The following SRBD1 variants were observed in gnomAD, a reference collection of about 807,000 sequenced individuals.
SRBD1 encodes the protein S1 RNA-binding domain-containing protein 1.
SRBD1 carries 88 observed loss-of-function variants against 115.3 expected under a neutral mutation model. The observed-to-expected ratio is 0.76, with a 90% confidence interval of 0.64 to 0.91. The LOEUF is 0.91. SRBD1 is among the 40% of genes least tolerant of loss of function. The probability of loss-of-function intolerance (pLI) is 0.00; values close to 1 mark genes in which losing one functional copy is unlikely to be tolerated. For missense variants in SRBD1, 1,385 were observed against 1,177.4 expected, an observed-to-expected ratio of 1.18 and a Z score of -2.58; for synonymous variants, 509 against 407.7, an observed-to-expected ratio of 1.25 and a Z score of -2.99.
At position 45,389,382 on chromosome 2, in the gene SRBD1, T is replaced by A; in HGVS notation, c.2916A>T (p.Arg972Ser). 1.2e-6 allele frequency: 2 copies of A among 1,614,116 alleles called. No homozygotes were observed. Among genetic ancestry groups the A allele is most frequent in the Non-Finnish European group, 1.7e-6 (2 of 1,179,964 alleles). Reference protein sequence around the residue: ...RRSLGLGPGERVEVQVLNIDI... With the variant: ...RRSLGLGPGESVEVQVLNIDI... The stretch of plus-strand genomic sequence containing the variant: ...CAATGTTGAGTACTTGGACTTCCAC[T>A]CTTTCTCCGGGGCCCAGTCCAAGGC... Residue 972 changes from arginine (R) to serine (S), a missense_variant, in exon 21 of 21, where the codon AGA (arginine) becomes AGT (serine). Coordinates refer to ENST00000263736, the MANE Select transcript of SRBD1 (RefSeq NM_018079.5).
chr2:45,508,059 C>T lies in SRBD1; in HGVS notation c.1875-19728G>A, dbSNP rs1351796454. Among the ~76,000 whole-genome samples, 4 of 152,278 alleles carry T rather than the reference C, an allele frequency of 2.6e-5. No individual in the cohort carries two copies. The East Asian group carries it at 5.8e-4, about 22-fold the overall frequency. ...TTAAAGCCTGACCGATAGATATTTA[C>T]ATAATTTTTAAAACACAATATGCTA... On this transcript the variant is annotated intron_variant, in intron 14 of 20. Coordinates refer to ENST00000263736, the MANE Select transcript of SRBD1 (RefSeq NM_018079.5).
chr2:45,558,803 T>C (rs912225989), intron 10 of SRBD1, among the ~76,000 whole-genome samples: 21 of 150,522 alleles, frequency 1.4e-4, no homozygotes, highest in African/African-American at 5.1e-4. Flanking sequence ...GCAATTCTCC[T>C]GCCTCAGCCT....
intron 9 of SRBD1, among the ~76,000 whole-genome samples, chr2:45,563,944 T>G (rs1020175947): frequency 1.3e-5 from 2 of 152,140 alleles, no homozygotes; most frequent in African/African-American, 4.8e-5. Context: ...TCACATATAT[T>G]TCTATGAGGC....
intron 7 of SRBD1, among the ~76,000 whole-genome samples, 183 bp from the exon 8 acceptor site, chr2:45,574,906 G>T (rs989648923): frequency 1.1e-4 from 17 of 152,082 alleles, no homozygotes; most frequent in Non-Finnish European, 2.4e-4. Context: ...GTCTCCAAAA[G>T]CAATAATACA....
intron 14 of SRBD1, among the ~76,000 whole-genome samples, chr2:45,519,594 C>G (rs572315147): frequency 1.4e-4 from 22 of 152,284 alleles, no homozygotes; most frequent in African/African-American, 5.3e-4. Context: ...ACATTATATT[C>G]TTTACTCAGT....
intron 11 of SRBD1, among the ~76,000 whole-genome samples, chr2:45,553,375 G>C (rs1446477373): frequency 1.3e-5 from 2 of 152,070 alleles, no homozygotes; most frequent in South Asian, 2.1e-4. Flanking sequence ...AGTATTGCAG[G>C]ATTTCAAGGG....
At chr2:45,592,330 C>T (rs1673752439) in intron 4 of SRBD1, among the ~76,000 whole-genome samples, 1 of 152,086 alleles carries the variant, frequency 6.6e-6, no homozygotes, top group South Asian at 2.1e-4. Flanking sequence ...ACTTCCTAAA[C>T]ACACACCATG....
chr2:45,446,810 C>T (rs1668839407), intron 16 of SRBD1, among the ~76,000 whole-genome samples: 1 of 151,868 alleles, frequency 6.6e-6, no homozygotes, highest in South Asian at 2.1e-4. Context: ...GCCATCAATA[C>T]CACTGGGTGG....
At position 45,546,802 on chromosome 2, in the gene SRBD1, T is replaced by C; in HGVS notation, c.1804A>G (p.Arg602Gly). Reference protein sequence around the residue: ...TVVIGNGTACRETEAYFADLI... With the variant: ...TVVIGNGTACGETEAYFADLI... ...TCAGCAAAGTAAGCTTCTGTTTCCCTGCAGGCAGTTCCATTTCCAATCACT... is the reference window on the plus strand; with the variant it reads ...TCAGCAAAGTAAGCTTCTGTTTCCCCGCAGGCAGTTCCATTTCCAATCACT... The change falls in exon 14 of 21, where the codon AGG (arginine) becomes GGG (glycine). Residue 602 changes from arginine (R) to glycine (G), a missense_variant. Physicochemically the swap from Arg to Gly is moderately radical, Grantham distance 125. Coordinates refer to ENST00000263736, the MANE Select transcript of SRBD1 (RefSeq NM_018079.5). The C allele has an allele frequency of 6.2e-7, 1 of 1,614,176 alleles. No individual in the cohort carries two copies. Among genetic ancestry groups the C allele is most frequent in the Non-Finnish European group, 8.5e-7 (1 of 1,180,008 alleles).
chr2:45,488,293 C>A lies in SRBD1; in HGVS notation c.1913G>T (p.Ser638Ile). Residue 638 changes from serine (S) to isoleucine (I), a missense_variant, in exon 15 of 21, where the codon AGC becomes ATC. Physicochemically the swap from Ser to Ile is moderately radical, Grantham distance 142. Coordinates refer to ENST00000263736, the MANE Select transcript of SRBD1 (RefSeq NM_018079.5). ...TGGCATCTCTTTGTTAGCTTCAGGG[C>A]TGACACTGTAGATTGATGCTCCTGC... Reference protein sequence around the residue: ...SEAGASIYSVSPEANKEMPGL... With the variant: ...SEAGASIYSVIPEANKEMPGL... The A allele has an allele frequency of 1.2e-6, 2 of 1,613,876 alleles. No homozygotes were observed. The highest frequency in any genetic ancestry group is 1.7e-6 in the Non-Finnish European group (2 of 1,179,940).
chr2:45,396,715 G>T (rs1210989633), intron 19 of SRBD1, among the ~76,000 whole-genome samples: 1 of 152,152 alleles, frequency 6.6e-6, no homozygotes, highest in Non-Finnish European at 1.5e-5. Flanking sequence ...GAAAAGTCTT[G>T]TAAGGCTTTT....
chr2:45,438,744 A>G (rs188045443), intron 16 of SRBD1, among the ~76,000 whole-genome samples: 114 of 152,298 alleles, frequency 7.5e-4, no homozygotes, highest in African/African-American at 2.5e-3. Flanking sequence ...CTGTGGGACA[A>G]GATCACAATG....
intron 7 of SRBD1, among the ~76,000 whole-genome samples, chr2:45,578,695 G>T (rs752897800): frequency 6.6e-6 from 1 of 152,198 alleles, no homozygotes; most frequent in Non-Finnish European, 1.5e-5. Context: ...AGAAACTGGA[G>T]GTGGGGGCGG....
chr2:45,437,077 G>A (rs1223120508), intron 16 of SRBD1, among the ~76,000 whole-genome samples: 1 of 152,036 alleles, frequency 6.6e-6, no homozygotes, highest in Non-Finnish European at 1.5e-5. Context: ...AGATCTATAA[G>A]AAGAAAACTA....
At chr2:45,495,378 TGTAGATTAAGTACCTCTACTGAG>T (rs1670423579) in intron 14 of SRBD1, among the ~76,000 whole-genome samples, 1 of 152,194 alleles carries the variant, frequency 6.6e-6, no homozygotes, top group Non-Finnish European at 1.5e-5. Flanking sequence ...GTTTCCTATT[TGTAGATTAAGTACCTCTACTGAG>T]GTAGAAGAAA....
intron 7 of SRBD1, among the ~76,000 whole-genome samples, chr2:45,578,335 C>A (rs1673241398): frequency 6.6e-6 from 1 of 152,078 alleles, no homozygotes; most frequent in South Asian, 2.1e-4. Flanking sequence ...GTGTTGCAAC[C>A]ATTTGGAAAT....
chr2:45,546,656 A>C, intron 14 of SRBD1, 76 bp downstream of exon 14: 1 of 1,363,038 alleles, frequency 7.3e-7, no homozygotes. Flanking sequence ...TAAAAAGAGA[A>C]GGGAGGATTC....
chr2:45,569,482 C>A (rs1351727736), intron 9 of SRBD1: 1 of 152,056 alleles, frequency 6.6e-6, no homozygotes, highest in African/African-American at 2.4e-5. Flanking sequence ...GCATGTGCCA[C>A]CATGCAAAAC....
rs550762008 is a variant in SRBD1 at position 45,499,280 on chromosome 2, T to TTATC, written c.1875-10953_1875-10950dup. ...AGCATTTCTTTAATATATCTAGTGG[T>TTATC]TATCTGTATGTCTTCTTCTGAGAAA... is the stretch of plus-strand genomic sequence containing the variant. On this transcript the variant is annotated intron_variant, in intron 14 of 20. Coordinates refer to ENST00000263736, the MANE Select transcript of SRBD1 (RefSeq NM_018079.5). 2.3e-3 allele frequency among the ~76,000 whole-genome samples: 352 copies of TTATC among 152,306 alleles called. 2 individuals are homozygous for TTATC. The highest frequency in any genetic ancestry group is 7.7e-3 in the African/African-American group (322 of 41,592).
Sources: allele counts gnomAD v4.1 joint callset (sites outside exome capture counted in the v4.1 genomes callset), GRCh38; gene constraint gnomAD v4.1.1; transcripts MANE v1.5; gene names NCBI Gene and HGNC (gene_info 2026-07-23, HGNC 2026-07-21).